The following STYXL1 variants were observed in gnomAD, a reference collection of about 807,000 sequenced individuals.
STYXL1 encodes serine/threonine/tyrosine interacting like 1, also known as serine/threonine/tyrosine-interacting-like protein 1.
Under a neutral mutation model 36.4 loss-of-function variants are expected in STYXL1, and 32 were observed. The ratio of observed to expected loss-of-function variants is 0.88; its 90% confidence interval spans 0.66 to 1.18. STYXL1 has a LOEUF of 1.18. Among genes scored for constraint, STYXL1 ranks in the 50% most tolerant of loss-of-function variants. The pLI, the probability that STYXL1 is intolerant of heterozygous loss-of-function variation, is 0.00. For synonymous variants in STYXL1, 133 were observed against 144.1 expected (o/e 0.92, Z 0.55); for missense variants, 354 against 394.1 (o/e 0.90, Z 0.86).
intron 1 of STYXL1, among the ~76,000 whole-genome samples, chr7:76,038,415 G>A (rs941053090): frequency 4.2e-5 from 5 of 118,684 alleles, no homozygotes; most frequent in Non-Finnish European, 7.3e-5. Context: ...TTTGGGAATT[G>A]AATGACATTT....
intron 7 of STYXL1, among the ~76,000 whole-genome samples, 199 bp downstream of exon 7, chr7:76,003,559 T>C (rs528422844): frequency 6.6e-6 from 1 of 152,302 alleles, no homozygotes; most frequent in South Asian, 2.1e-4. Flanking sequence ...CCACGGTTGC[T>C]CGTTTCACTG....
At chr7:76,042,560 C>A (rs887568583) in intron 1 of STYXL1, among the ~76,000 whole-genome samples, 1 of 151,386 alleles carries the variant, frequency 6.6e-6, no homozygotes, top group Non-Finnish European at 1.5e-5. Flanking sequence ...CGCACTGCCA[C>A]CTCTCCCGGC....
intron 5 of STYXL1, among the ~76,000 whole-genome samples, chr7:76,010,835 C>T (rs150895870): frequency 6.6e-6 from 1 of 152,224 alleles, no homozygotes; most frequent in Non-Finnish European, 1.5e-5. Flanking sequence ...AGAGATGAGA[C>T]TTGATTCAGA....
chr7:76,020,268 G>A (rs1246888676), intron 4 of STYXL1, among the ~76,000 whole-genome samples: 1 of 152,236 alleles, frequency 6.6e-6, no homozygotes, highest in Non-Finnish European at 1.5e-5. Flanking sequence ...CAAAAGTCCA[G>A]ACAGCTGGTT....
At chr7:76,016,270 G>GTGTGTATATATGTATATCTATACATACA (rs1563485316) in intron 4 of STYXL1, among the ~76,000 whole-genome samples, 92 of 151,144 alleles carry the variant, frequency 6.1e-4, no homozygotes, top group Non-Finnish European at 1.0e-3. Flanking sequence ...CTATATGTAT[G>GTGTGTATATATGTATATCTATACATACA]TGTGTATATA....
intron 1 of STYXL1, among the ~76,000 whole-genome samples, chr7:76,042,119 GTATGGGGTCTGGGCTGTAGAAAAC>G (rs1274472481): frequency 2.0e-5 from 3 of 152,186 alleles, no homozygotes; most frequent in Non-Finnish European, 4.4e-5. Context: ...TGTGACCTTG[GTATGGGGTCTGGGCTGTAGAAAAC>G]TATGTGGACT....
chr7:76,005,820 G>A (rs1301673133), intron 5 of STYXL1, among the ~76,000 whole-genome samples: 2 of 142,056 alleles, frequency 1.4e-5, no homozygotes, highest in Non-Finnish European at 3.0e-5. Flanking sequence ...AGAAGGAGGA[G>A]GAGGAGGAAG....
intron 4 of STYXL1, among the ~76,000 whole-genome samples, chr7:76,018,341 C>T (rs1222461264): frequency 1.3e-5 from 2 of 151,086 alleles, no homozygotes; most frequent in Non-Finnish European, 2.9e-5. Context: ...ACTTCTATCA[C>T]TTACCATGAT....
intron 2 of STYXL1, 66 bp downstream of exon 2, chr7:76,030,355 A>G: frequency 7.8e-7 from 1 of 1,290,216 alleles, no homozygotes; most frequent in Admixed American, 1.7e-5. Flanking sequence ...AAGTTTGTTA[A>G]CTCATCAAAA....
At chr7:76,046,274 CTGTGTGTGTGTGTGTGTGTG>C (rs782245806) in intron 1 of STYXL1, among the ~76,000 whole-genome samples, 3,467 of 102,810 alleles carry the variant, frequency 0.034, 100 homozygotes, top group African/African-American at 0.052. Context: ...AGCTTATCTG[CTGTGTGTGTGTGTGTGTGTG>C]TGTGTGTGTG....
chr7:76,028,730 G>C (rs1554578443), intron 2 of STYXL1, 27 bp from the exon 3 acceptor site: 5 of 1,610,158 alleles, frequency 3.1e-6, no homozygotes. Context: ...TTTAAGAACT[G>C]AATTTGCAAA....
Position 76,039,295 on chromosome 7 carries a change from C to T in STYXL1, c.-5+8367G>A, listed in dbSNP as rs377027536. Among the ~76,000 whole-genome samples, 77 of 149,874 alleles carry T rather than the reference C, an allele frequency of 5.1e-4. 9 individuals carry two copies. Among genetic ancestry groups the T allele is most frequent in the African/African-American group, 1.7e-3 (68 of 39,274 alleles). The stretch of plus-strand genomic sequence containing the variant: ...TCCACTATGTTTTCCAGGCTGGTTT[C>T]GAACTCCTGGGCTCAAGTGATCTTC... On this transcript the variant is annotated intron_variant, in intron 1 of 8. Transcript: ENST00000359697.
chr7:76,024,735 G>T (rs555991122), intron 3 of STYXL1, among the ~76,000 whole-genome samples: 6 of 152,090 alleles, frequency 3.9e-5, no homozygotes, highest in Admixed American at 6.6e-5. Context: ...CGGATCACAA[G>T]GTCAGGAGTT....
chr7:76,030,603 T>G (rs1177333392), intron 1 of STYXL1, 76 bp from the exon 2 acceptor site: 6 of 870,158 alleles, frequency 6.9e-6, no homozygotes, highest in Non-Finnish European at 1.1e-5. Flanking sequence ...TATAATGAAT[T>G]AAACTCTTTT....
chr7:76,047,882 G>A lies in STYXL1; in HGVS notation c.-225C>T. 1.4e-6 allele frequency: 2 copies of A among 1,384,822 alleles called. No individual in the cohort carries two copies. Among genetic ancestry groups the A allele is most frequent in the South Asian group, 1.5e-5 (1 of 66,692 alleles). The allele number at this position is 1,384,822 out of a possible 1,614,324, so 85.8% of individuals were successfully genotyped here. A position where few individuals can be genotyped will look rare whatever the true frequency, so the allele number is the denominator to read the frequency against. On this transcript the variant is annotated 5_prime_UTR_variant, in exon 1 of 9. Coordinates refer to ENST00000359697, the MANE Select transcript of STYXL1 (RefSeq NM_001317785.2). ...CTCTTCCACCTCTTGGGTGCAGACT[G>A]GCCCTCCCACTCCGACCGCAGGTCC... is the stretch of plus-strand genomic sequence containing the variant.
intron 1 of STYXL1, chr7:76,045,328 A>AATAGATTCCTAAACAATCTCCT (rs1796848415): frequency 1.4e-5 from 2 of 145,792 alleles, no homozygotes; most frequent in African/African-American, 5.1e-5. Flanking sequence ...AACAATCTCC[A>AATAGATTCCTAAACAATCTCCT]TTTTTTTTTT....
intron 6 of STYXL1, among the ~76,000 whole-genome samples, chr7:76,004,147 G>A (rs376286170): frequency 2.6e-5 from 4 of 152,230 alleles, no homozygotes; most frequent in South Asian, 4.1e-4. Flanking sequence ...AGGCTGGAGT[G>A]CAGTGGCACG....
At chr7:76,039,863 T>A (rs530088001) in intron 1 of STYXL1, among the ~76,000 whole-genome samples, 12 of 152,154 alleles carry the variant, frequency 7.9e-5, no homozygotes, top group South Asian at 6.2e-4. Context: ...GCCAGCTTAG[T>A]CTCAAACTCC....
chr7:76,030,737 C>T (rs921048969), intron 1 of STYXL1, among the ~76,000 whole-genome samples: 58 of 150,986 alleles, frequency 3.8e-4, no homozygotes, highest in African/African-American at 1.3e-3. Flanking sequence ...TCTAGCCAGG[C>T]GTGGTGGCTC....
Sources: gnomAD v4.1 joint callset for allele counts (sites outside exome capture counted in the v4.1 genomes callset) on GRCh38, gnomAD v4.1.1 for gene constraint, MANE v1.5 for transcripts, NCBI Gene and HGNC (gene_info 2026-07-23, HGNC 2026-07-21) for gene names.